Variants in FILIP1L observed in about 807,000 individuals in gnomAD.
FILIP1L encodes the protein filamin A interacting protein 1 like.
Under a neutral mutation model 96.6 loss-of-function variants are expected in FILIP1L, and 55 were observed. The observed-to-expected ratio is 0.57, with a 90% CI of 0.46 to 0.71. The LOEUF is 0.71. Ranked by LOEUF, FILIP1L falls within the 30% of genes least tolerant of loss-of-function variation. The probability of loss-of-function intolerance (pLI) is 0.00; values close to 1 mark genes in which losing one functional copy is unlikely to be tolerated. For synonymous variants in FILIP1L, 467 were observed against 473.9 expected, an observed-to-expected ratio of 0.99 and a Z score of 0.19; for missense variants, 1,304 against 1,321.2, an observed-to-expected ratio of 0.99 and a Z score of 0.20.
At chr3:99,959,411 A>G (rs1576601667) in intron 1 of FILIP1L, among the ~76,000 whole-genome samples, 1 of 152,222 alleles carries the variant, frequency 6.6e-6, no homozygotes, top group Admixed American at 6.5e-5. Flanking sequence ...CAGACTCCCA[A>G]AGTGCTGGGA....
rs111416465 is a variant in FILIP1L, at chr3:99,988,838, C to T, written c.-10-57808G>A. 5.0e-3 allele frequency among the ~76,000 whole-genome samples: 762 copies of T among 152,258 alleles called. 4 individuals carry two copies. Among genetic ancestry groups the T allele is most frequent in the South Asian group, 8.7e-3 (42 of 4,828 alleles). On this transcript the variant is annotated intron_variant, in intron 1 of 5. Transcript: ENST00000477258. ...TGTTCTTTCATTGGTAATTTTTATT[C>T]CAAATCTGGCAGGTGCCTTCATTCT... is the stretch of plus-strand genomic sequence containing the variant.
intron 1 of FILIP1L, among the ~76,000 whole-genome samples, chr3:99,949,573 A>G (rs1708116310): frequency 6.6e-6 from 1 of 152,192 alleles, no homozygotes; most frequent in Non-Finnish European, 1.5e-5. Flanking sequence ...CAACCTTGGA[A>G]TCTTTCTCAG....
At chr3:99,898,319 A>G (rs1706326025) in intron 4 of FILIP1L, 1 of 152,182 alleles carries the variant, frequency 6.6e-6, no homozygotes, top group East Asian at 1.9e-4. Context: ...TTACACAATG[A>G]CCAGGGCCTG....
chr3:99,879,108 C>G (rs1481556725), intron 4 of FILIP1L, among the ~76,000 whole-genome samples: 2 of 152,172 alleles, frequency 1.3e-5, no homozygotes, highest in Non-Finnish European at 2.9e-5. Context: ...TACCTAGACA[C>G]CAAGGTCCTT....
chr3:100,033,059 A>G (rs2065045886), intron 1 of FILIP1L, among the ~76,000 whole-genome samples: 2 of 152,088 alleles, frequency 1.3e-5, no homozygotes, highest in South Asian at 4.1e-4. Context: ...GAGACATGGT[A>G]ACCAAAAAAA....
At chr3:99,871,958 C>T (rs554231554) in intron 4 of FILIP1L, among the ~76,000 whole-genome samples, 11 of 151,982 alleles carry the variant, frequency 7.2e-5, no homozygotes, top group Admixed American at 7.2e-4. Flanking sequence ...TTTTTTATTG[C>T]TTATACTTAA....
intron 5 of FILIP1L, among the ~76,000 whole-genome samples, chr3:99,844,380 C>T (rs1261010934): frequency 6.6e-6 from 1 of 151,938 alleles, no homozygotes; most frequent in African/African-American, 2.4e-5. Context: ...TGCATTTTTG[C>T]CTATCTTTTC....
chr3:100,041,414 C>T (rs1236896115), intron 1 of FILIP1L: 2 of 152,230 alleles, frequency 1.3e-5, no homozygotes, highest in African/African-American at 2.4e-5. Flanking sequence ...CGTCTTTGTT[C>T]CTTTCCACAC....
At chr3:99,947,403 T>C (rs1708044179) in intron 1 of FILIP1L, among the ~76,000 whole-genome samples, 1 of 152,212 alleles carries the variant, frequency 6.6e-6, no homozygotes, top group Non-Finnish European at 1.5e-5. Flanking sequence ...TGCCATTATT[T>C]ATGTAACCAT....
chr3:99,829,332 G>A lies in FILIP1L; in HGVS notation c.*1082C>T, dbSNP rs1366840734. Among the ~76,000 whole-genome samples, 1 of 152,144 alleles carries A rather than the reference G, an allele frequency of 6.6e-6. No homozygotes were observed. The highest frequency in any genetic ancestry group is 1.5e-5 in the Non-Finnish European group (1 of 68,024). On this transcript the variant is annotated 3_prime_UTR_variant, in exon 6 of 6. Transcript: ENST00000477258. ...TGTCCTGTATTACTCTGTCCACACT[G>A]AATTACAGGCACACCTTTCTCTCAA...
intron 1 of FILIP1L, among the ~76,000 whole-genome samples, chr3:100,106,335 T>G (rs1161682836): frequency 6.6e-6 from 1 of 152,164 alleles, no homozygotes; most frequent in East Asian, 1.9e-4. Flanking sequence ...AGCCTAGGCA[T>G]GACTGATTCT....
intron 1 of FILIP1L, among the ~76,000 whole-genome samples, chr3:100,073,945 G>C (rs1049754771): frequency 1.3e-5 from 2 of 152,030 alleles, no homozygotes; most frequent in African/African-American, 2.4e-5. Flanking sequence ...TGGTTTTCCT[G>C]TTTCCTTTCG....
chr3:99,902,637 C>G (rs141048816), intron 4 of FILIP1L, among the ~76,000 whole-genome samples: 7 of 152,238 alleles, frequency 4.6e-5, no homozygotes, highest in African/African-American at 1.7e-4. Flanking sequence ...AGACACTGGA[C>G]AACCAAAAAG....
intron 1 of FILIP1L, among the ~76,000 whole-genome samples, chr3:100,097,927 T>C (rs1559756741): frequency 1.3e-5 from 2 of 152,232 alleles, no homozygotes; most frequent in South Asian, 4.1e-4. Flanking sequence ...TTATCATTTA[T>C]TTTGTTGGTT....
At chr3:99,941,831 G>A (rs1707858420) in intron 1 of FILIP1L, among the ~76,000 whole-genome samples, 1 of 152,122 alleles carries the variant, frequency 6.6e-6, no homozygotes, top group Non-Finnish European at 1.5e-5. Flanking sequence ...TTTGTGAGGT[G>A]TTTTTCAGAA....
intron 4 of FILIP1L, among the ~76,000 whole-genome samples, chr3:99,919,958 G>C (rs1707072724): frequency 6.6e-6 from 1 of 152,202 alleles, no homozygotes. Context: ...AAAGGAACAA[G>C]AGATTAATTC....
chr3:99,887,509 C>T (rs1441024191), intron 4 of FILIP1L, among the ~76,000 whole-genome samples: 1 of 152,148 alleles, frequency 6.6e-6, no homozygotes, highest in Admixed American at 6.5e-5. Context: ...TGGATCCAGG[C>T]TACGAATAGG....
At chr3:99,839,598 T>C (rs915163197) in intron 5 of FILIP1L, among the ~76,000 whole-genome samples, 1 of 152,192 alleles carries the variant, frequency 6.6e-6, no homozygotes, top group Non-Finnish European at 1.5e-5. Flanking sequence ...GTTTCTAGAC[T>C]CTTATTTCTC....
At chr3:99,999,362 A>G (rs1709776528) in intron 1 of FILIP1L, among the ~76,000 whole-genome samples, 1 of 152,178 alleles carries the variant, frequency 6.6e-6, no homozygotes, top group Non-Finnish European at 1.5e-5. Context: ...CCTGCATCAG[A>G]GTCATAAGTA....
Sources: gnomAD v4.1 joint callset for allele counts (sites outside exome capture counted in the v4.1 genomes callset) on GRCh38, gnomAD v4.1.1 for gene constraint, MANE v1.5 for transcripts, NCBI Gene and HGNC (gene_info 2026-07-23, HGNC 2026-07-21) for gene names.